Variants in CSGALNACT1 observed in about 807,000 individuals in gnomAD.
CSGALNACT1 encodes the protein beta4GalNAcT-1.
In CSGALNACT1, 52 loss-of-function variants were observed where a neutral mutation model predicts 51.0. The observed-to-expected ratio is 1.02, with a 90% CI of 0.82 to 1.29. The LOEUF is 1.29. Among genes scored for constraint, CSGALNACT1 ranks in the 50% most tolerant of loss-of-function variants. The pLI is 0.00. For missense variants in CSGALNACT1, 935 were observed against 679.2 expected (o/e 1.38, Z -4.19); for synonymous variants, 341 against 254.4 (o/e 1.34, Z -3.24).
intron 6 of CSGALNACT1, among the ~76,000 whole-genome samples, chr8:19,433,586 G>T (rs989198361): frequency 1.3e-5 from 2 of 152,168 alleles, no homozygotes; most frequent in Non-Finnish European, 2.9e-5. Context: ...AATACTTTCT[G>T]CATTGGAAGA....
chr8:19,590,712 C>T (rs1366858213), intron 3 of CSGALNACT1, among the ~76,000 whole-genome samples: 9 of 134,254 alleles, frequency 6.7e-5, no homozygotes, highest in South Asian at 4.8e-4. Context: ...TGCATTGGCG[C>T]GATCTCGGCT....
At chr8:19,543,142 TTATA>T (rs1385688065) in intron 3 of CSGALNACT1, among the ~76,000 whole-genome samples, 2 of 152,312 alleles carry the variant, frequency 1.3e-5, no homozygotes, top group East Asian at 3.9e-4. Context: ...TAGATGTATA[TTATA>T]TACAGAATCC....
intron 1 of CSGALNACT1, among the ~76,000 whole-genome samples, chr8:19,653,385 G>A (rs1202826910): frequency 6.6e-6 from 1 of 152,132 alleles, no homozygotes; most frequent in Non-Finnish European, 1.5e-5. Flanking sequence ...TGGTCCCATT[G>A]TCCCCCTCAG....
intron 3 of CSGALNACT1, among the ~76,000 whole-genome samples, chr8:19,525,134 A>T (rs1258007671): frequency 1.3e-5 from 2 of 152,174 alleles, no homozygotes; most frequent in African/African-American, 4.8e-5. Flanking sequence ...TCTTTGTCCA[A>T]TATATATCTG....
chr8:19,543,398 G>A (rs1432364407), intron 3 of CSGALNACT1, among the ~76,000 whole-genome samples: 3 of 152,220 alleles, frequency 2.0e-5, no homozygotes, highest in African/African-American at 7.2e-5. Flanking sequence ...AACGGGGCTT[G>A]TAAAAAGTTC....
chr8:19,563,993 C>T (rs2041376145), intron 3 of CSGALNACT1, among the ~76,000 whole-genome samples: 1 of 152,102 alleles, frequency 6.6e-6, no homozygotes, highest in African/African-American at 2.4e-5. Context: ...GCTCTCCACA[C>T]CACACCTACT....
intron 1 of CSGALNACT1, among the ~76,000 whole-genome samples, chr8:19,671,643 G>C (rs1321757042): frequency 2.6e-5 from 4 of 152,116 alleles, no homozygotes; most frequent in Non-Finnish European, 4.4e-5. Context: ...AAACACAAAA[G>C]TCATTGATAA....
chr8:19,738,675 C>G (rs755531416), intron 1 of CSGALNACT1, among the ~76,000 whole-genome samples: 1 of 151,996 alleles, frequency 6.6e-6, no homozygotes, highest in Non-Finnish European at 1.5e-5. Context: ...TTTTAAGACA[C>G]AAATACACAA....
chr8:19,645,235 T>A (rs1300526328), intron 1 of CSGALNACT1, among the ~76,000 whole-genome samples: 1 of 152,174 alleles, frequency 6.6e-6, no homozygotes, highest in Non-Finnish European at 1.5e-5. Flanking sequence ...TATTAATAAG[T>A]CAAACAGGGA....
intron 4 of CSGALNACT1, among the ~76,000 whole-genome samples, chr8:19,483,864 G>C (rs1031070020): frequency 2.0e-5 from 3 of 152,138 alleles, no homozygotes; most frequent in African/African-American, 4.8e-5. Context: ...TCCTTTAATA[G>C]ACATATACCT....
intron 1 of CSGALNACT1, among the ~76,000 whole-genome samples, chr8:19,616,507 A>T (rs771561422): frequency 6.6e-6 from 1 of 152,138 alleles, no homozygotes; most frequent in African/African-American, 2.4e-5. Flanking sequence ...TATAGTTTAG[A>T]CATTTGCGCC....
At chr8:19,512,704 A>G (rs950634902) in intron 3 of CSGALNACT1, among the ~76,000 whole-genome samples, 2 of 152,228 alleles carry the variant, frequency 1.3e-5, no homozygotes, top group Non-Finnish European at 2.9e-5. Flanking sequence ...CCTGCAAGAT[A>G]TAGAAATCGG....
At chr8:19,653,067 T>C (rs888343784) in intron 1 of CSGALNACT1, among the ~76,000 whole-genome samples, 3 of 152,144 alleles carry the variant, frequency 2.0e-5, no homozygotes, top group Non-Finnish European at 4.4e-5. Flanking sequence ...AATTATGAAC[T>C]GATGAAAACT....
intron 4 of CSGALNACT1, among the ~76,000 whole-genome samples, chr8:19,480,177 C>T (rs1193522364): frequency 6.6e-6 from 1 of 152,130 alleles, no homozygotes; most frequent in Non-Finnish European, 1.5e-5. Context: ...TAAACTTCTG[C>T]CCCAGGAATT....
intron 3 of CSGALNACT1, among the ~76,000 whole-genome samples, chr8:19,549,423 T>TA (rs1359182223): frequency 6.6e-6 from 1 of 152,146 alleles, no homozygotes; most frequent in Non-Finnish European, 1.5e-5. Flanking sequence ...TATCTAACAT[T>TA]AATTTTCCCC....
intron 1 of CSGALNACT1, among the ~76,000 whole-genome samples, chr8:19,667,850 A>C (rs1327576821): frequency 6.6e-6 from 1 of 152,238 alleles, no homozygotes; most frequent in Non-Finnish European, 1.5e-5. Context: ...GAATTCAAAA[A>C]TCTGATAAAG....
At chr8:19,662,064 A>ACCCCCCCCCCCCCCCCCCCCCCCCCCCC (rs1281131821) in intron 1 of CSGALNACT1, among the ~76,000 whole-genome samples, 1 of 37,090 alleles carries the variant, frequency 2.7e-5, no homozygotes. Context: ...AGTTGCCCCC[A>ACCCCCCCCCCCCCCCCCCCCCCCCCCCC]CCCCCCCCCA....
chr8:19,510,638 AATAGAT>A (rs1449045861), intron 3 of CSGALNACT1, among the ~76,000 whole-genome samples: 2 of 152,218 alleles, frequency 1.3e-5, no homozygotes, highest in African/African-American at 4.8e-5. Flanking sequence ...ATACCATTAA[AATAGAT>A]ATAAAGTGTT....
intron 3 of CSGALNACT1, among the ~76,000 whole-genome samples, chr8:19,557,005 A>G (rs975725164): frequency 6.6e-6 from 1 of 152,082 alleles, no homozygotes; most frequent in Non-Finnish European, 1.5e-5. Flanking sequence ...AAAGTCTTCA[A>G]CCTCAACTGG....
Sources: allele counts gnomAD v4.1 joint callset (sites outside exome capture counted in the v4.1 genomes callset), GRCh38; gene constraint gnomAD v4.1.1; transcripts MANE v1.5; gene names NCBI Gene and HGNC (gene_info 2026-07-23, HGNC 2026-07-21).